LGR6: variants seen among roughly 807,000 people sequenced by gnomAD.
LGR6 encodes leucine-rich repeat-containing G protein-coupled receptor 6.
A neutral mutation model predicts 69.4 loss-of-function variants in LGR6; 45 were observed. That is an observed-to-expected ratio of 0.65 (90% CI 0.51 to 0.83). The LOEUF (loss-of-function observed/expected upper bound fraction) is 0.83. LGR6 is among the 40% of genes least tolerant of loss of function. LGR6 has a pLI of 0.00. For synonymous variants in LGR6, 538 were observed against 555.0 expected, an observed-to-expected ratio of 0.97 and a Z score of 0.43; for missense variants, 1,108 against 1,246.7, an observed-to-expected ratio of 0.89 and a Z score of 1.68.
At chr1:202,281,089 G>A in intron 6 of LGR6, 1 of 489,312 alleles carries the variant, frequency 2.0e-6, no homozygotes. Context: ...AATGGCCCAG[G>A]GAGTAGGAAC....
Position 202,310,265 on chromosome 1 carries a change from C to A in LGR6, c.1475C>A (p.Ser492Tyr), listed in dbSNP as rs1325150952. 6.2e-7 allele frequency: 1 copy of A among 1,614,136 alleles called. No homozygotes were observed. ...ATGTGTGCCAGCTTCTTCAAGGCCT[C>A]TGGGCAGTGGGAGGCTGAAGACCTT... ...YGMCASFFKASGQWEAEDLHL... is the reference protein window; with the variant it reads ...YGMCASFFKAYGQWEAEDLHL... Residue 492 changes from serine (S) to tyrosine (Y), a missense_variant, in exon 16 of 18, where the codon TCT becomes TAT. Coordinates refer to ENST00000367278, the MANE Select transcript of LGR6 (RefSeq NM_001017403.2).
At position 202,310,146 on chromosome 1, in the gene LGR6, T is replaced by G; in HGVS notation, c.1407-51T>G. The G allele has an allele frequency of 2.5e-6, 4 of 1,600,544 alleles. No homozygotes were observed. In the South Asian group the frequency reaches 4.4e-5, roughly 18 times the overall value. On this transcript the variant is annotated intron_variant, in intron 15 of 17. Transcript: ENST00000367278. Reference sequence around the variant, plus strand: ...GATCTCTTAAATCAGACTTAGGTCTTAGACCCCAAAGATGCTGAGGCAGCC... The same window carrying G: ...GATCTCTTAAATCAGACTTAGGTCTGAGACCCCAAAGATGCTGAGGCAGCC...
At chr1:202,212,652 G>A (rs371487668) in intron 1 of LGR6, among the ~76,000 whole-genome samples, 10 of 152,274 alleles carry the variant, frequency 6.6e-5, no homozygotes, top group African/African-American at 2.4e-4. Flanking sequence ...CTACACAAGG[G>A]CAATTGACAT....
intron 4 of LGR6, among the ~76,000 whole-genome samples, chr1:202,243,346 G>A (rs1348760695): frequency 1.3e-5 from 2 of 152,120 alleles, no homozygotes; most frequent in Non-Finnish European, 2.9e-5. Flanking sequence ...TGCCTGGGGA[G>A]GTAGGGGATG....
intron 4 of LGR6, among the ~76,000 whole-genome samples, chr1:202,250,046 C>T (rs566078125): frequency 2.7e-4 from 41 of 152,362 alleles, no homozygotes; most frequent in Non-Finnish European, 4.7e-4. Context: ...ACTTCCCCTC[C>T]CACTCTATGC....
chr1:202,200,616 G>A (rs950482598), intron 1 of LGR6, among the ~76,000 whole-genome samples: 12 of 152,180 alleles, frequency 7.9e-5, no homozygotes, highest in African/African-American at 2.4e-4. Flanking sequence ...TAGCCAAACC[G>A]AAATGAACTC....
At chr1:202,245,728 G>A (rs1662605400) in intron 4 of LGR6, among the ~76,000 whole-genome samples, 1 of 152,150 alleles carries the variant, frequency 6.6e-6, no homozygotes, top group South Asian at 2.1e-4. Flanking sequence ...TCGGGACCAG[G>A]AGGTGGGTGA....
intron 14 of LGR6, 36 bp from the exon 15 acceptor site, chr1:202,309,015 C>T (rs370609091): frequency 1.9e-6 from 3 of 1,611,414 alleles, no homozygotes; most frequent in African/African-American, 2.7e-5. Context: ...AGCAATCCCA[C>T]TGACTGCCAA....
At chr1:202,204,653 ACCTCCAAACACACACACG>A (rs1558003900) in intron 1 of LGR6, among the ~76,000 whole-genome samples, 11 of 33,458 alleles carry the variant, frequency 3.3e-4, no homozygotes, top group African/African-American at 1.4e-3. Flanking sequence ...ACACACACAC[ACCTCCAAACACACACACG>A]CCTCCAAACA....
chr1:202,312,400 G>A (rs1653814355), intron 16 of LGR6, among the ~76,000 whole-genome samples: 2 of 152,234 alleles, frequency 1.3e-5, no homozygotes, highest in African/African-American at 2.4e-5. Flanking sequence ...GTAGAGAGGA[G>A]GAAATGCCAG....
chr1:202,298,408 A>T (rs937988751), intron 7 of LGR6, among the ~76,000 whole-genome samples: 1 of 152,118 alleles, frequency 6.6e-6, no homozygotes, highest in East Asian at 1.9e-4. Context: ...AAGCAGCTTT[A>T]CTGGAGGGAA....
rs187678865 is a variant in LGR6, at chr1:202,228,745, G to A, written c.356+738G>A. On this transcript the variant is annotated intron_variant, in intron 3 of 17. Coordinates refer to ENST00000367278, the MANE Select transcript of LGR6 (RefSeq NM_001017403.2). ...AGGGCAAGAGGAATTGGGAGGAAGC[G>A]GATGCATAGGGACTGAAGGTAGATA... Among the ~76,000 whole-genome samples the A allele has an allele frequency of 2.6e-3, 399 of 152,276 alleles. 1 individual carries two copies. The highest frequency in any genetic ancestry group is 9.4e-3 in the African/African-American group (392 of 41,546).
At chr1:202,315,241 CCCA>C (rs2148316643) in intron 17 of LGR6, among the ~76,000 whole-genome samples, 1 of 152,280 alleles carries the variant, frequency 6.6e-6, no homozygotes, top group Admixed American at 6.5e-5. Flanking sequence ...CAGTCTAAGA[CCCA>C]TACCACAGAA....
intron 4 of LGR6, among the ~76,000 whole-genome samples, chr1:202,236,715 C>T (rs1285639185): frequency 6.6e-6 from 1 of 152,160 alleles, no homozygotes; most frequent in East Asian, 1.9e-4. Flanking sequence ...TCAGGTACAA[C>T]TTCATCCGAT....
chr1:202,292,736 G>A (rs1349464328), intron 6 of LGR6, among the ~76,000 whole-genome samples: 2 of 152,214 alleles, frequency 1.3e-5, no homozygotes, highest in African/African-American at 4.8e-5. Context: ...CTGGGTTGAC[G>A]GAAATGTTCT....
At chr1:202,286,853 T>A (rs190387482) in intron 6 of LGR6, among the ~76,000 whole-genome samples, 1 of 152,176 alleles carries the variant, frequency 6.6e-6, no homozygotes. Context: ...TAATAGTTCT[T>A]CCCAGCACAA....
chr1:202,249,333 A>G (rs959929945), intron 4 of LGR6, among the ~76,000 whole-genome samples: 1 of 151,882 alleles, frequency 6.6e-6, no homozygotes, highest in Non-Finnish European at 1.5e-5. Flanking sequence ...TCTCCTCTCT[A>G]GTCACTCCTC....
intron 1 of LGR6, among the ~76,000 whole-genome samples, chr1:202,224,345 G>A (rs563345746): frequency 2.0e-5 from 3 of 152,242 alleles, no homozygotes; most frequent in Non-Finnish European, 2.9e-5. Flanking sequence ...ACCACCCACA[G>A]GGTCTGTCAG....
At chr1:202,292,550 G>A (rs181111656) in intron 6 of LGR6, among the ~76,000 whole-genome samples, 2 of 152,344 alleles carry the variant, frequency 1.3e-5, no homozygotes, top group East Asian at 1.9e-4. Flanking sequence ...CCTGTAGCTG[G>A]TGGAAGGGTA....
Sources: gnomAD v4.1 joint callset for allele counts (sites outside exome capture counted in the v4.1 genomes callset) on GRCh38, gnomAD v4.1.1 for gene constraint, MANE v1.5 for transcripts, NCBI Gene and HGNC (gene_info 2026-07-23, HGNC 2026-07-21) for gene names.